The following FAM153A variants were observed in gnomAD, a reference collection of about 807,000 sequenced individuals.
FAM153A encodes family with sequence similarity 153 member A, also known as protein FAM153A.
FAM153A carries 12 observed loss-of-function variants against 48.1 expected under a neutral mutation model. The ratio of observed to expected loss-of-function variants is 0.25; its 90% confidence interval spans 0.16 to 0.40. The LOEUF is 0.40. Ranked by LOEUF, FAM153A falls within the 10% of genes least tolerant of loss-of-function variation. FAM153A has a pLI of 1.00. For synonymous variants in FAM153A, 36 were observed against 118.2 expected (o/e 0.30, Z 4.51); for missense variants, 111 against 345.8 (o/e 0.32, Z 5.38).
chr5:177,712,420 AGT>A (rs1758629076), exon 27 of FAM153A: 1 of 151,564 alleles, frequency 6.6e-6, no homozygotes, highest in Non-Finnish European at 1.5e-5. Context: ...TGCAGTGAGC[AGT>A]GATCACACCA....
chr5:177,781,956 C>G (rs1769721293), upstream of FAM153A, among the ~76,000 whole-genome samples: 1 of 92,678 alleles, frequency 1.1e-5, no homozygotes, highest in East Asian at 3.3e-4. Flanking sequence ...GTCTCGATCT[C>G]TTGACCTGGT....
downstream of FAM153A, among the ~76,000 whole-genome samples, chr5:177,717,598 C>A (rs1346808830): frequency 6.7e-6 from 1 of 149,864 alleles, no homozygotes; most frequent in African/African-American, 2.5e-5. Flanking sequence ...AGGAGATGTC[C>A]AGTTGACACT....
chr5:177,695,884 G>A, the FAM153A span, among the ~76,000 whole-genome samples: 37 of 144,578 alleles, frequency 2.6e-4, no homozygotes, highest in East Asian at 4.1e-4. Flanking sequence ...ATGGGCGGCC[G>A]GGCAGAGGCA....
chr5:177,749,258 A>G lies in FAM153A; in HGVS notation c.176-559T>C, dbSNP rs536969870. On this transcript the variant is annotated intron_variant, in intron 2 of 20. Coordinates refer to ENST00000614127, the Ensembl canonical transcript of FAM153A. ...AGATGTCTTACTTCCCACCTTAGGA[A>G]ACTAGAGAAAAAAGTATAGTGTAAT... Among the ~76,000 whole-genome samples, 24 of 151,696 alleles carry G rather than the reference A, an allele frequency of 1.6e-4. 1 individual carries two copies. Among genetic ancestry groups the G allele is most frequent in the African/African-American group, 5.3e-4 (22 of 41,124 alleles).
intron 1 of FAM153A, among the ~76,000 whole-genome samples, chr5:177,760,067 C>G (rs1307452095): frequency 2.7e-5 from 4 of 148,722 alleles, no homozygotes; most frequent in Non-Finnish European, 5.9e-5. Context: ...TGGGAAGGAA[C>G]ACATATTACC....
At chr5:177,728,599 C>T (rs1361141496) in intron 18 of FAM153A, among the ~76,000 whole-genome samples, 9 of 134,164 alleles carry the variant, frequency 6.7e-5, no homozygotes, top group African/African-American at 2.5e-4. Context: ...GACGGAGTTT[C>T]GCTCGTTGCC....
downstream of FAM153A, among the ~76,000 whole-genome samples, chr5:177,709,335 A>G (rs1419572998): frequency 1.4e-5 from 2 of 141,886 alleles, no homozygotes; most frequent in Non-Finnish European, 3.0e-5. Context: ...GAAAAACGAG[A>G]TATTTGCAAT....
chr5:177,737,648 G>C (rs1009459791), intron 10 of FAM153A, among the ~76,000 whole-genome samples: 4 of 151,396 alleles, frequency 2.6e-5, no homozygotes, highest in African/African-American at 7.4e-5. Flanking sequence ...AGCCTCCTGA[G>C]TAGCTGGGAT....
At chr5:177,705,910 G>A (rs1430685620), downstream of FAM153A, among the ~76,000 whole-genome samples, 2 of 151,384 alleles carry the variant, frequency 1.3e-5, no homozygotes, top group East Asian at 1.9e-4. Context: ...TGCCCGCCTC[G>A]GCCTCCCAAA....
chr5:177,709,257 CTTTTTTT>C (rs59687881), downstream of FAM153A, among the ~76,000 whole-genome samples: 2 of 116,378 alleles, frequency 1.7e-5, no homozygotes, highest in Non-Finnish European at 3.5e-5. Context: ...AAAAAGGAAT[CTTTTTTT>C]TTTTTTTTTT....
At chr5:177,712,710 G>C (rs1006228468) in exon 27 of FAM153A, 1 of 151,552 alleles carries the variant, frequency 6.6e-6, no homozygotes, top group Non-Finnish European at 1.5e-5. Flanking sequence ...ATATGGCTGT[G>C]GGTTTGAGGT....
chr5:177,709,794 G>A (rs1758246559), downstream of FAM153A, among the ~76,000 whole-genome samples: 1 of 118,380 alleles, frequency 8.4e-6, no homozygotes, highest in Non-Finnish European at 1.7e-5. Context: ...CCTCAGCCTC[G>A]CTAAGGAGCT....
chr5:177,709,663 G>GTT (rs1202003911), downstream of FAM153A, among the ~76,000 whole-genome samples: 2 of 129,724 alleles, frequency 1.5e-5, no homozygotes, highest in African/African-American at 5.8e-5. Flanking sequence ...GCCCGGCTGG[G>GTT]TTTTTTTTTT....
At chr5:177,756,613 G>T (rs1480992707), upstream of FAM153A, among the ~76,000 whole-genome samples, 1 of 151,516 alleles carries the variant, frequency 6.6e-6, no homozygotes, top group Non-Finnish European at 1.5e-5. Flanking sequence ...AAATGTAAAA[G>T]AACAGAAGTT....
downstream of FAM153A, among the ~76,000 whole-genome samples, chr5:177,703,345 G>T (rs1240875677): frequency 6.6e-6 from 1 of 151,874 alleles, no homozygotes; most frequent in Non-Finnish European, 1.5e-5. Flanking sequence ...TGTTTTGGTT[G>T]ATTTCTCCCT....
chr5:177,708,374 G>A (rs1422587266), downstream of FAM153A, among the ~76,000 whole-genome samples: 338 of 151,220 alleles, frequency 2.2e-3, 2 homozygotes, highest in Non-Finnish European at 3.6e-3. Context: ...TTGTGAGTTT[G>A]AGACCAGCCT....
At chr5:177,764,350 G>A (rs1042036034) in intron 1 of FAM153A, among the ~76,000 whole-genome samples, 3 of 151,672 alleles carry the variant, frequency 2.0e-5, no homozygotes, top group African/African-American at 7.3e-5. Context: ...TCCCACTGAT[G>A]ACGACTATTA....
At chr5:177,764,306 A>T (rs1323720116) in intron 1 of FAM153A, among the ~76,000 whole-genome samples, 1 of 151,464 alleles carries the variant, frequency 6.6e-6, no homozygotes, top group African/African-American at 2.4e-5. Flanking sequence ...ACCTAAACTC[A>T]GCCCTAGAAA....
downstream of FAM153A, among the ~76,000 whole-genome samples, chr5:177,706,350 C>T (rs1193061673): frequency 1.3e-5 from 2 of 151,558 alleles, no homozygotes; most frequent in African/African-American, 2.4e-5. Context: ...GCACCTGCCA[C>T]CAAGCCTGGC....
Sources: allele counts gnomAD v4.1 joint callset (sites outside exome capture counted in the v4.1 genomes callset), GRCh38; gene constraint gnomAD v4.1.1; transcripts MANE v1.5; gene names NCBI Gene and HGNC (gene_info 2026-07-23, HGNC 2026-07-21).